Variants in SREBF2 observed in about 807,000 individuals in gnomAD.
SREBF2 encodes sterol regulatory element-binding protein 2.
In SREBF2, 55 loss-of-function variants were observed where a neutral mutation model predicts 113.1. The observed-to-expected ratio is 0.49, with a 90% CI of 0.39 to 0.61. The LOEUF is 0.61. Among genes scored for constraint, SREBF2 ranks in the 20% least tolerant of loss-of-function variants. The pLI, the probability that SREBF2 is intolerant of heterozygous loss-of-function variation, is 0.00. For synonymous variants in SREBF2, 593 were observed against 605.7 expected (o/e 0.98, Z 0.31); for missense variants, 1,349 against 1,487.4 (o/e 0.91, Z 1.53).
At chr22:41,882,377 G>T (rs2148398382) in intron 10 of SREBF2, among the ~76,000 whole-genome samples, 1 of 152,334 alleles carries the variant, frequency 6.6e-6, no homozygotes, top group South Asian at 2.1e-4. Context: ...TTGCCTGTGA[G>T]ATGTGGAGGT....
chr22:41,874,690 G>A (rs2077177209), intron 5 of SREBF2, among the ~76,000 whole-genome samples: 3 of 152,100 alleles, frequency 2.0e-5, no homozygotes, highest in Admixed American at 6.5e-5. Flanking sequence ...GGTGGATCAC[G>A]AGGCCAGGAG....
chr22:41,853,904 G>A (rs1016701653), intron 1 of SREBF2, among the ~76,000 whole-genome samples: 42 of 151,568 alleles, frequency 2.8e-4, no homozygotes, highest in South Asian at 2.5e-3. Flanking sequence ...GCGTGGTGGC[G>A]GGCGCCTGTA....
At position 41,867,115 on chromosome 22, in the gene SREBF2, C is replaced by G; in HGVS notation, c.373C>G (p.Pro125Ala). Residue 125 changes from proline to alanine, a missense_variant, in exon 2 of 19, where the codon CCC becomes GCC. Transcript: ENST00000361204. ...KVSPTSVPTTPRATPILQPRP... is the reference protein window; with the variant it reads ...KVSPTSVPTTARATPILQPRP... ...TTCTCCCACCTCAGTTCCCACCACA[C>G]CCAGGGCAACTCCTATTCTTCAGCC... is the stretch of plus-strand genomic sequence containing the variant. The G allele has an allele frequency of 6.2e-7, 1 of 1,614,212 alleles. No individual in the cohort carries two copies. The highest frequency in any genetic ancestry group is 8.5e-7 in the Non-Finnish European group (1 of 1,180,040).
At chr22:41,856,067 A>G (rs543637707) in intron 1 of SREBF2, among the ~76,000 whole-genome samples, 34 of 152,130 alleles carry the variant, frequency 2.2e-4, no homozygotes, top group African/African-American at 7.5e-4. Context: ...GAATTTTAGT[A>G]TAACTTTAAA....
At chr22:41,852,406 T>G (rs1342941882) in intron 1 of SREBF2, among the ~76,000 whole-genome samples, 1 of 151,108 alleles carries the variant, frequency 6.6e-6, no homozygotes, top group Non-Finnish European at 1.5e-5. Flanking sequence ...TCTTTGAATT[T>G]AATCGTGACA....
At chr22:41,885,837 G>T (rs2077294254) in intron 11 of SREBF2, 1 of 152,504 alleles carries the variant, frequency 6.6e-6, no homozygotes, top group Admixed American at 6.5e-5. Flanking sequence ...ATCAGAACGT[G>T]CCCTGTAGTG....
At chr22:41,850,015 C>G (rs1364081069) in intron 1 of SREBF2, among the ~76,000 whole-genome samples, 1 of 151,918 alleles carries the variant, frequency 6.6e-6, no homozygotes, top group African/African-American at 2.4e-5. Context: ...TGGCACACAC[C>G]TGTAGTCCCA....
At position 41,907,011 on chromosome 22, in the gene SREBF2, G is replaced by C. The variant is rs911285448; in HGVS notation, c.*1351G>C. 1.3e-5 allele frequency: 2 copies of C among 152,228 alleles called. No homozygotes were observed. Among genetic ancestry groups the C allele is most frequent in the African/African-American group, 2.4e-5 (1 of 41,440 alleles). The allele number at this position is 152,228 out of a possible 1,614,324, so 9.4% of individuals were successfully genotyped here. ...GTGGGCAGGAGCCCCAGCACAGACTGGGGGGTGCTCACAGCAGGGCCACCT... is the reference window on the plus strand; with the variant it reads ...GTGGGCAGGAGCCCCAGCACAGACTCGGGGGTGCTCACAGCAGGGCCACCT... On this transcript the variant is annotated 3_prime_UTR_variant, in exon 19 of 19. Coordinates refer to ENST00000361204, the MANE Select transcript of SREBF2 (RefSeq NM_004599.4).
chr22:41,859,641 T>A (rs1042903727), intron 1 of SREBF2, among the ~76,000 whole-genome samples: 18 of 151,454 alleles, frequency 1.2e-4, no homozygotes, highest in Middle Eastern at 3.4e-3. Context: ...GTGTACTAGC[T>A]AATACTAAGT....
At chr22:41,884,448 G>A (rs775717918) in intron 10 of SREBF2, among the ~76,000 whole-genome samples, 7 of 152,128 alleles carry the variant, frequency 4.6e-5, no homozygotes, top group Non-Finnish European at 1.0e-4. Context: ...ACATTGTGAA[G>A]GTTTTTTAAT....
chr22:41,855,957 A>G (rs531867906), intron 1 of SREBF2, among the ~76,000 whole-genome samples: 80 of 151,218 alleles, frequency 5.3e-4, no homozygotes, highest in African/African-American at 1.8e-3. Flanking sequence ...GGGTCTCACT[A>G]TTTTGTCCAG....
chr22:41,868,364 T>C (rs2077106841), intron 2 of SREBF2, among the ~76,000 whole-genome samples: 1 of 152,104 alleles, frequency 6.6e-6, no homozygotes, highest in Admixed American at 6.5e-5. Context: ...CTGATTAGCT[T>C]CCCTTTCCCC....
chr22:41,903,268 C>T lies in SREBF2; in HGVS notation c.3093+113C>T, dbSNP rs2077480370. On this transcript the variant is annotated intron_variant, in intron 17 of 18. Coordinates refer to ENST00000361204, the MANE Select transcript of SREBF2 (RefSeq NM_004599.4). ...GTGGAGTTGGCCCTCTGAGGTCAGCCTGGTGACCTGTCGAGCACCTGCTTG... is the reference window on the plus strand; with the variant it reads ...GTGGAGTTGGCCCTCTGAGGTCAGCTTGGTGACCTGTCGAGCACCTGCTTG... The T allele has an allele frequency of 2.1e-5, 28 of 1,302,348 alleles. 1 individual carries two copies. In the South Asian group the frequency reaches 3.3e-4, roughly 15 times the overall value. 80.7% of individuals were successfully genotyped at this position (1,302,348 alleles called of 1,614,324 possible). A position where few individuals can be genotyped will look rare whatever the true frequency, so the allele number is the denominator to read the frequency against.
chr22:41,873,519 T>G (rs1056865922), intron 4 of SREBF2, among the ~76,000 whole-genome samples: 2 of 152,150 alleles, frequency 1.3e-5, no homozygotes, highest in African/African-American at 4.8e-5. Context: ...ATGACTTGTT[T>G]CTGGCATACG....
intron 14 of SREBF2, among the ~76,000 whole-genome samples, chr22:41,897,885 G>C (rs1213014700): frequency 6.6e-6 from 1 of 152,204 alleles, no homozygotes; most frequent in Non-Finnish European, 1.5e-5. Context: ...TTTTGCAGTT[G>C]AGAAAACTAA....
intron 17 of SREBF2, among the ~76,000 whole-genome samples, chr22:41,904,025 C>T (rs2077485245): frequency 6.6e-6 from 1 of 152,232 alleles, no homozygotes; most frequent in South Asian, 2.1e-4. Flanking sequence ...CTGGTCTGCT[C>T]ACAGCATGGC....
chr22:41,866,701 A>G, intron 1 of SREBF2, 130 bp from the exon 2 acceptor site: 1 of 1,070,488 alleles, frequency 9.3e-7, no homozygotes, highest in South Asian at 1.3e-5. Context: ...GAAAGAGGTA[A>G]GGGTTTCCTG....
chr22:41,892,599 G>C (rs945672177), intron 11 of SREBF2, among the ~76,000 whole-genome samples: 14 of 139,004 alleles, frequency 1.0e-4, no homozygotes, highest in African/African-American at 3.6e-4. Context: ...AGTGAGTCGA[G>C]ATCGCGCCAC....
At chr22:41,840,071 G>T (rs1423212606) in intron 1 of SREBF2, among the ~76,000 whole-genome samples, 1 of 147,492 alleles carries the variant, frequency 6.8e-6, no homozygotes, top group African/African-American at 2.5e-5. Context: ...GCAGTTCTCT[G>T]CCTCAGCCTC....
Sources: gnomAD v4.1 joint callset for allele counts (sites outside exome capture counted in the v4.1 genomes callset) on GRCh38, gnomAD v4.1.1 for gene constraint, MANE v1.5 for transcripts, NCBI Gene and HGNC (gene_info 2026-07-23, HGNC 2026-07-21) for gene names.